Variants in ANKRD26 observed in about 807,000 individuals in gnomAD.
The protein encoded by ANKRD26 is ankyrin repeat domain-containing protein 26.
In ANKRD26, 141 loss-of-function variants were observed where a neutral mutation model predicts 208.7. That is an observed-to-expected ratio of 0.68 (90% CI 0.59 to 0.78). The LOEUF (loss-of-function observed/expected upper bound fraction) is 0.78. ANKRD26 is among the 30% of genes least tolerant of loss of function. The pLI is 0.00. For synonymous variants in ANKRD26, 636 were observed against 660.4 expected (o/e 0.96, Z 0.57); for missense variants, 1,889 against 1,938.7 (o/e 0.97, Z 0.48).
intron 32 of ANKRD26, among the ~76,000 whole-genome samples, chr10:27,009,611 T>G (rs867370902): frequency 6.6e-6 from 1 of 152,296 alleles, no homozygotes; most frequent in Middle Eastern, 3.4e-3. Flanking sequence ...GTTTTTGAAA[T>G]GTATAGAGCA....
intron 5 of ANKRD26, among the ~76,000 whole-genome samples, chr10:27,084,821 A>G (rs2056055564): frequency 6.6e-6 from 1 of 150,986 alleles, no homozygotes; most frequent in East Asian, 2.0e-4. Context: ...GTGAGCCGAG[A>G]TCGCACCATT....
At chr10:27,033,471 A>G in intron 24 of ANKRD26, 94 bp from the exon 25 acceptor site, 1 of 1,270,968 alleles carries the variant, frequency 7.9e-7, no homozygotes, top group Non-Finnish European at 1.1e-6. Context: ...ACTATGACAT[A>G]TACAACTTAA....
At chr10:26,968,220 G>GT in the ANKRD26 span, among the ~76,000 whole-genome samples, 10 of 152,078 alleles carry the variant, frequency 6.6e-5, no homozygotes, top group Non-Finnish European at 5.9e-5. Context: ...CTCAACCTGG[G>GT]TTTTTTTACC....
chr10:27,093,907 G>A (rs1408828743), intron 1 of ANKRD26, 108 bp from the exon 2 acceptor site: 1 of 878,396 alleles, frequency 1.1e-6, no homozygotes, highest in East Asian at 4.1e-5. Context: ...GTTTGGCTGT[G>A]TCCCCACCCA....
the ANKRD26 span, among the ~76,000 whole-genome samples, chr10:26,951,326 TG>T: frequency 6.6e-6 from 1 of 152,152 alleles, no homozygotes; most frequent in South Asian, 2.1e-4. Flanking sequence ...GGAACCATGT[TG>T]GGGTACTTAC....
Position 27,012,883 on chromosome 10 carries a change from T to C in ANKRD26, c.4952A>G (p.Lys1651Arg). The C allele has an allele frequency of 6.2e-7, 1 of 1,612,356 alleles. No homozygotes were observed. The highest frequency in any genetic ancestry group is 8.5e-7 in the Non-Finnish European group (1 of 1,178,434). The change falls in exon 32 of 34, where the codon AAG (lysine) becomes AGG (arginine). Residue 1651 changes from lysine to arginine, a missense_variant and splice_region_variant. Lys to Arg is a conservative substitution (Grantham distance 26, BLOSUM62 2). This residue lies in a region of ANKRD26 where 613 missense variants were observed against 648.2 expected (regional missense o/e 0.95). Transcript: ENST00000376087. ...SNNSMENYLS[K>R]MQQELEKNIT... Reference sequence around the variant, plus strand: ...AGGAAAAAAGACAACATAACTAACCTTGCTCAAGTAGTTCTCCATGCTATT... The same window carrying C: ...AGGAAAAAAGACAACATAACTAACCCTGCTCAAGTAGTTCTCCATGCTATT...
rs754456019 is a variant in ANKRD26, at chr10:27,092,522, A to G, written c.532-10T>C. On this transcript the variant is annotated splice_polypyrimidine_tract_variant and intron_variant, in intron 3 of 33. Transcript: ENST00000376087. ...GTGGTGTGAGGTCATCCTGTAAGAC[A>G]GCAAAAACAAGTTAAAATGCATAAA... The G allele has an allele frequency of 1.3e-6, 2 of 1,591,720 alleles. No homozygotes were observed. Among genetic ancestry groups the G allele is most frequent in the African/African-American group, 2.7e-5 (2 of 74,436 alleles).
chr10:27,095,555 C>G (rs1216978883), intron 1 of ANKRD26, among the ~76,000 whole-genome samples: 1 of 152,190 alleles, frequency 6.6e-6, no homozygotes, highest in Admixed American at 6.5e-5. Flanking sequence ...GTAATCCCAG[C>G]TACTCGAGGG....
chr10:26,963,928 T>C, the ANKRD26 span, among the ~76,000 whole-genome samples: 55 of 145,052 alleles, frequency 3.8e-4, no homozygotes, highest in Non-Finnish European at 1.8e-4. Flanking sequence ...TTTTTTTTTT[T>C]TGAGACAGGA....
chr10:27,067,108 G>A lies in ANKRD26; in HGVS notation c.1207+49C>T, dbSNP rs761497757. ...AGGTGTGAGCCACATCTGGACCCCA[G>A]AATAGAACTTAAGGATAGAAAAATA... is the stretch of plus-strand genomic sequence containing the variant. On this transcript the variant is annotated intron_variant, in intron 10 of 33. Transcript: ENST00000376087. The A allele has an allele frequency of 3.8e-6, 6 of 1,596,692 alleles. No individual in the cohort carries two copies. The Admixed American group carries it at 8.4e-5, about 22-fold the overall frequency.
chr10:27,009,041 A>G (rs2052997629), intron 32 of ANKRD26, among the ~76,000 whole-genome samples: 1 of 152,136 alleles, frequency 6.6e-6, no homozygotes, highest in Non-Finnish European at 1.5e-5. Context: ...GGGTTTCACC[A>G]TATTGGACAG....
At chr10:27,067,609 G>C (rs1181282258) in intron 9 of ANKRD26, among the ~76,000 whole-genome samples, 8 of 152,250 alleles carry the variant, frequency 5.3e-5, no homozygotes, top group South Asian at 4.1e-4. Flanking sequence ...CAGGGCAAGA[G>C]AGCAAGGTGG....
chr10:27,079,030 A>G (rs2055804986), intron 7 of ANKRD26, 59 bp downstream of exon 7: 2 of 1,456,288 alleles, frequency 1.4e-6, no homozygotes, highest in African/African-American at 1.4e-5. Flanking sequence ...ATTTTAAGAG[A>G]ATACTATACG....
At chr10:26,949,009 A>G in the ANKRD26 span, among the ~76,000 whole-genome samples, 1 of 152,144 alleles carries the variant, frequency 6.6e-6, no homozygotes. Context: ...AAAATGCATT[A>G]TTAAATACTG....
intron 16 of ANKRD26, among the ~76,000 whole-genome samples, chr10:27,050,219 CAAAA>C (rs67384671): frequency 1.2e-3 from 38 of 33,036 alleles, no homozygotes; most frequent in African/African-American, 2.9e-3. Context: ...GAATCTGTCT[CAAAA>C]AAAAAAAAAA....
intron 17 of ANKRD26, 55 bp from the exon 18 acceptor site, chr10:27,046,578 C>A: frequency 1.3e-6 from 2 of 1,537,338 alleles, no homozygotes; most frequent in Non-Finnish European, 1.8e-6. Flanking sequence ...AAAAAAGAAA[C>A]AACATGCAGA....
rs372371136 is a variant in ANKRD26 at position 27,012,959 on chromosome 10, T to A, written c.4876A>T (p.Ile1626Phe). Residue 1626 changes from isoleucine (I) to phenylalanine (F), a missense_variant, in exon 32 of 34, where the codon ATT becomes TTT. Coordinates refer to ENST00000376087, the MANE Select transcript of ANKRD26 (RefSeq NM_014915.3). The part of the protein sequence containing the change: ...NNSLDLNRKL[I>F]PRENLVISTS... ...GAGATCACTAAGTTTTCTCTTGGAA[T>A]AAGTTTTCTGTTGAGATCTAAACTA... is the stretch of plus-strand genomic sequence containing the variant. 2 of 1,614,178 alleles carry A rather than the reference T, an allele frequency of 1.2e-6. No individual in the cohort carries two copies. Among genetic ancestry groups the A allele is most frequent in the Non-Finnish European group, 1.7e-6 (2 of 1,179,994 alleles).
rs1260840415 is a variant in ANKRD26, at chr10:27,066,428, T to C, written c.1269+59A>G. 28 of 1,340,928 alleles carry C rather than the reference T, an allele frequency of 2.1e-5. No individual in the cohort carries two copies. The Admixed American group carries it at 4.5e-4, about 22-fold the overall frequency. 83.1% of individuals were successfully genotyped at this position (1,340,928 alleles called of 1,614,324 possible). On this transcript the variant is annotated intron_variant, in intron 11 of 33. Coordinates refer to ENST00000376087, the MANE Select transcript of ANKRD26 (RefSeq NM_014915.3). ...AAAGTCAAGTCAAAGCATCTCTTTA[T>C]GTTTTAACATCACTCAATGCTTATA...
chr10:27,071,497 A>G (rs575242735), intron 9 of ANKRD26, among the ~76,000 whole-genome samples: 24 of 151,742 alleles, frequency 1.6e-4, no homozygotes, highest in Non-Finnish European at 3.1e-4. Flanking sequence ...TTTCTCTAAC[A>G]ATGCTTATAC....
Sources: gnomAD v4.1 joint callset for allele counts (sites outside exome capture counted in the v4.1 genomes callset) on GRCh38, gnomAD v4.1.1 for gene constraint, gnomAD v4.1.1 regional missense constraint, MANE v1.5 for transcripts, NCBI Gene and HGNC (gene_info 2026-07-23, HGNC 2026-07-21) for gene names.